EIF1AX: variants seen among roughly 807,000 people sequenced by gnomAD.
EIF1AX encodes the protein eukaryotic translation initiation factor 1A X-linked, also known as eukaryotic translation initiation factor 1A, X-chromosomal.
In EIF1AX, 1 loss-of-function variant was observed where a neutral mutation model predicts 16.1. The ratio of observed to expected loss-of-function variants is 0.06; its 90% CI spans 0.02 to 0.30. EIF1AX has a LOEUF of 0.30. Ranked by LOEUF, EIF1AX falls within the 10% of genes least tolerant of loss-of-function variation. The probability of loss-of-function intolerance (pLI) is 1.00; values close to 1 mark genes in which losing one functional copy is unlikely to be tolerated. For missense variants in EIF1AX, 11 were observed against 109.1 expected, an observed-to-expected ratio of 0.10 and a Z score of 4.00; for synonymous variants, 32 against 37.3, an observed-to-expected ratio of 0.86 and a Z score of 0.51.
At chrX:20,134,782 TAGA>T (rs1278867591) in intron 3 of EIF1AX, among the ~76,000 whole-genome samples, 1 of 111,303 alleles carries the variant, frequency 9.0e-6, no homozygotes, top group Non-Finnish European at 1.9e-5. Flanking sequence ...AGTTTGGGAA[TAGA>T]AGGATTAACA....
intron 1 of EIF1AX, chrX:20,140,520 T>A (rs1461691335): frequency 8.9e-6 from 1 of 112,197 alleles, no homozygotes; most frequent in Non-Finnish European, 1.9e-5. Flanking sequence ...CTGCACCAAC[T>A]TGTGCACAGA....
At chrX:20,133,335 A>G (rs1055905360) in intron 4 of EIF1AX, among the ~76,000 whole-genome samples, 1 of 110,842 alleles carries the variant, frequency 9.0e-6, no homozygotes, top group African/African-American at 3.3e-5. Flanking sequence ...CTATTATGGG[A>G]TGCTGTCCTG....
At position 20,141,783 on chromosome X, in the gene EIF1AX, G is replaced by T; in HGVS notation, c.-143C>A. On this transcript the variant is annotated 5_prime_UTR_variant, in exon 1 of 7. Transcript: ENST00000379607. The stretch of plus-strand genomic sequence containing the variant: ...CCAGGCAACGTGCGCGGGAGAGGCT[G>T]GCGACCCAGCTCTTCAGAGATCCGC... The T allele has an allele frequency of 1.7e-6, 1 of 591,015 alleles. No individual in the cohort carries two copies. The highest frequency in any genetic ancestry group is 2.5e-6 in the Non-Finnish European group (1 of 399,958). 48.7% of individuals were successfully genotyped at this position (591,015 alleles called of 1,213,427 possible). A position where few individuals can be genotyped will look rare whatever the true frequency, so the allele number is the denominator to read the frequency against.
chrX:20,136,486 T>C (rs2067017483), intron 2 of EIF1AX: 2 of 156,450 alleles, frequency 1.3e-5, no homozygotes, highest in African/African-American at 3.0e-5. Flanking sequence ...TCTGAATAAG[T>C]AGATTGACTA....
intron 4 of EIF1AX, among the ~76,000 whole-genome samples, chrX:20,133,225 A>G (rs987069604): frequency 9.0e-6 from 1 of 111,691 alleles, no homozygotes; most frequent in Non-Finnish European, 1.9e-5. Flanking sequence ...TTCTGGGGTT[A>G]TTGTTAGATC....
chrX:20,130,027 C>A (rs954680611), intron 6 of EIF1AX, among the ~76,000 whole-genome samples: 2 of 111,167 alleles, frequency 1.8e-5, no homozygotes, highest in Non-Finnish European at 3.8e-5. Flanking sequence ...TAGGGCCGGG[C>A]ATGGTGGCTC....
intron 2 of EIF1AX, among the ~76,000 whole-genome samples, chrX:20,137,268 A>G (rs764636647): frequency 1.8e-5 from 2 of 110,054 alleles, no homozygotes; most frequent in South Asian, 7.9e-4. Flanking sequence ...ACACAGTGAA[A>G]CCCCGTCTCT....
chrX:20,128,445 T>C (rs1418198944), intron 6 of EIF1AX, 134 bp from the exon 7 acceptor site: 2 of 458,356 alleles, frequency 4.4e-6, no homozygotes, highest in Non-Finnish European at 7.2e-6. Context: ...GAAATTCCTA[T>C]AATTCTGGCC....
At chrX:20,140,228 G>A (rs1218924935) in intron 1 of EIF1AX, 3 of 112,111 alleles carry the variant, frequency 2.7e-5, no homozygotes, top group South Asian at 3.7e-4. Context: ...GGGTGGAGTC[G>A]ACAGGAGGTA....
At chrX:20,141,478 C>T in intron 1 of EIF1AX, 147 bp downstream of exon 1, 1 of 673,830 alleles carries the variant, frequency 1.5e-6, no homozygotes, top group Non-Finnish European at 2.2e-6. Flanking sequence ...CTCCCGAGCT[C>T]AGAGTCGCGT....
At chrX:20,141,401 C>T (rs1014425728) in intron 1 of EIF1AX, among the ~76,000 whole-genome samples, 1 of 112,038 alleles carries the variant, frequency 8.9e-6, no homozygotes, top group Admixed American at 9.4e-5. Flanking sequence ...GGAGGCCCTA[C>T]AAAAATGGCG....
chrX:20,125,295 G>C lies in EIF1AX; in HGVS notation c.*3011C>G, dbSNP rs2066981963. On this transcript the variant is annotated 3_prime_UTR_variant, in exon 7 of 7. Transcript: ENST00000379607. ...TCCAATACATTCTCCAAATTGCTCA[G>C]TTCATTCTATACCTGAGAGTCTTGT... The C allele has an allele frequency of 5.9e-6, 1 of 168,351 alleles. No individual in the cohort carries two copies. The highest frequency in any genetic ancestry group is 3.0e-5 in the African/African-American group (1 of 33,700). The allele number at this position is 168,351 out of a possible 1,213,427, so 13.9% of individuals were successfully genotyped here.
At chrX:20,138,299 A>G (rs898391723) in intron 2 of EIF1AX, among the ~76,000 whole-genome samples, 2 of 109,727 alleles carry the variant, frequency 1.8e-5, no homozygotes, top group Non-Finnish European at 3.8e-5. Context: ...CACTGCGCCC[A>G]GCCTAAAAAA....
chrX:20,130,302 CAAAAAAAAAAAAAA>C (rs773734086), intron 6 of EIF1AX, among the ~76,000 whole-genome samples, 200 bp downstream of exon 6: 8 of 28,479 alleles, frequency 2.8e-4, no homozygotes, highest in African/African-American at 7.1e-4. Flanking sequence ...AACTCCATCA[CAAAAAAAAAAAAAA>C]AAAAAAAAAA....
chrX:20,135,733 C>T lies in EIF1AX; in HGVS notation c.204+5G>A, dbSNP rs768571259. 5 of 1,176,557 alleles carry T rather than the reference C, an allele frequency of 4.2e-6. No individual in the cohort carries two copies. The African/African-American group carries it at 7.1e-5, about 17-fold the overall frequency. On this transcript the variant is annotated splice_donor_5th_base_variant and intron_variant, in intron 3 of 6. Coordinates refer to ENST00000379607, the MANE Select transcript of EIF1AX (RefSeq NM_001412.4). ...TTATATTAAAGTAAAACAAATCACA[C>T]CTACCTTTTTTCTCAATTTTCCTCT... is the stretch of plus-strand genomic sequence containing the variant.
intron 6 of EIF1AX, 52 bp downstream of exon 6, chrX:20,130,464 T>C (rs375682924): frequency 1.2e-5 from 13 of 1,111,588 alleles, no homozygotes; most frequent in Non-Finnish European, 1.5e-5. Flanking sequence ...GGAAAGTTGG[T>C]TTCTCCATGG....
intron 3 of EIF1AX, 79 bp from the exon 4 acceptor site, chrX:20,134,086 T>C: frequency 3.8e-6 from 4 of 1,057,386 alleles, no homozygotes; most frequent in Non-Finnish European, 5.2e-6. Flanking sequence ...TCAATTAGTT[T>C]AGAAATTAAG....
chrX:20,137,315 G>A (rs1319634132), intron 2 of EIF1AX, among the ~76,000 whole-genome samples: 2 of 110,908 alleles, frequency 1.8e-5, no homozygotes, highest in Non-Finnish European at 3.8e-5. Context: ...GCATGGTGGC[G>A]GGTGCCTGTA....
At chrX:20,132,053 G>A in intron 5 of EIF1AX, 129 bp downstream of exon 5, 1 of 399,924 alleles carries the variant, frequency 2.5e-6, no homozygotes, top group Non-Finnish European at 4.4e-6. Flanking sequence ...ATGAAGCATA[G>A]GCAGGCATAC....
Sources: allele counts gnomAD v4.1 joint callset (sites outside exome capture counted in the v4.1 genomes callset), GRCh38; gene constraint gnomAD v4.1.1; transcripts MANE v1.5; gene names NCBI Gene and HGNC (gene_info 2026-07-23, HGNC 2026-07-21).